The following NUP50 variants were observed in gnomAD, a reference collection of about 807,000 sequenced individuals.
NUP50 encodes the protein nuclear pore complex protein Nup50.
Under a neutral mutation model 36.8 loss-of-function variants are expected in NUP50, and 14 were observed. That is an observed-to-expected ratio of 0.38 (90% confidence interval 0.25 to 0.59). NUP50 has a LOEUF of 0.59. Among genes scored for constraint, NUP50 ranks in the 20% least tolerant of loss-of-function variants. The probability of loss-of-function intolerance (pLI) is 0.63; values close to 1 mark genes in which losing one functional copy is unlikely to be tolerated. For synonymous variants in NUP50, 195 were observed against 210.8 expected (o/e 0.93, Z 0.65); for missense variants, 455 against 564.6 (o/e 0.81, Z 1.97).
chr22:45,175,616 G>C (rs1372564096), intron 3 of NUP50, among the ~76,000 whole-genome samples: 1 of 152,132 alleles, frequency 6.6e-6, no homozygotes, highest in East Asian at 1.9e-4. Flanking sequence ...TATTGCATTA[G>C]TCTTTCTTAC....
intron 3 of NUP50, among the ~76,000 whole-genome samples, chr22:45,172,805 C>T (rs2074216702): frequency 1.3e-5 from 2 of 152,118 alleles, no homozygotes; most frequent in Admixed American, 1.3e-4. Context: ...GCCAGTCACT[C>T]AGAGCGTCTC....
rs767311973 is a variant in NUP50 at position 45,178,419 on chromosome 22, C to T, written c.522C>T (p.His174=). 13 of 1,613,496 alleles carry T rather than the reference C, an allele frequency of 8.1e-6. No homozygotes were observed. The highest frequency in any genetic ancestry group is 2.7e-5 in the African/African-American group (2 of 74,884). Residue 174 remains histidine (H), a synonymous_variant, in exon 5 of 8, where the codon CAC becomes CAT. Transcript: ENST00000347635. ...CCGTGCGGGATTGGATAGTGAAGCA[C>T]GTGAATACAAACCCCCTCTGTGATC... ...NCSVRDWIVK[H]VNTNPLCDLT... is the part of the protein sequence containing the mutation.
At chr22:45,184,264 CAGTG>C (rs2074432223) in intron 7 of NUP50, 185 bp from the exon 8 acceptor site, 2 of 607,216 alleles carry the variant, frequency 3.3e-6, no homozygotes, top group Non-Finnish European at 5.9e-6. Flanking sequence ...CCACTCCTCA[CAGTG>C]AGGGCAAGTG....
chr22:45,172,561 G>C (rs2074212352), intron 3 of NUP50, among the ~76,000 whole-genome samples: 1 of 151,990 alleles, frequency 6.6e-6, no homozygotes, highest in South Asian at 2.1e-4. Context: ...TTACTTTCCT[G>C]AGCGTTCTCC....
intron 7 of NUP50, chr22:45,184,096 C>T (rs1390129808): frequency 1.9e-5 from 5 of 259,322 alleles, no homozygotes; most frequent in South Asian, 5.4e-5. Flanking sequence ...GTCCTTTGTC[C>T]GTGTGGCGCA....
At chr22:45,175,767 T>G in intron 3 of NUP50, 127 bp from the exon 4 acceptor site, 1 of 700,864 alleles carries the variant, frequency 1.4e-6, no homozygotes, top group Non-Finnish European at 2.3e-6. Context: ...GTGCCAGCAG[T>G]TTGCCTTATA....
intron 1 of NUP50, among the ~76,000 whole-genome samples, chr22:45,166,918 A>G (rs2074103784): frequency 6.6e-6 from 1 of 152,180 alleles, no homozygotes; most frequent in African/African-American, 2.4e-5. Flanking sequence ...TAAACTTACA[A>G]AATTTAAAAA....
intron 2 of NUP50, among the ~76,000 whole-genome samples, chr22:45,169,828 A>G (rs2074156762): frequency 6.6e-6 from 1 of 152,164 alleles, no homozygotes; most frequent in Non-Finnish European, 1.5e-5. Flanking sequence ...ACTCTGCTCC[A>G]CCACCTTCTT....
intron 1 of NUP50, chr22:45,165,762 A>G (rs917696963): frequency 4.6e-5 from 7 of 152,246 alleles, no homozygotes; most frequent in Non-Finnish European, 1.0e-4. Context: ...CTTCTAATAA[A>G]ACTTGTTTCT....
chr22:45,171,796 T>C (rs1294655932), intron 3 of NUP50, 113 bp downstream of exon 3: 10 of 847,758 alleles, frequency 1.2e-5, no homozygotes, highest in African/African-American at 1.7e-5. Context: ...AAAATACTTA[T>C]TCTTTGATGT....
chr22:45,178,870 C>G lies in NUP50; in HGVS notation c.973C>G (p.Gln325Glu), dbSNP rs758628647. The change falls in exon 5 of 8, where the codon CAA becomes GAA. Residue 325 changes from glutamine (Q) to glutamate (E), a missense_variant. Transcript: ENST00000347635. Reference sequence around the variant, plus strand: ...ATTTCCCACTAAACCATTGGAGGGCCAAGCAGAAGGTGACAGTGGTGAATG... The same window carrying G: ...ATTTCCCACTAAACCATTGGAGGGCGAAGCAGAAGGTGACAGTGGTGAATG... The part of the protein sequence containing the change: ...SPFPTKPLEG[Q>E]AEGDSGECKG... 1 of 1,613,394 alleles carries G rather than the reference C, an allele frequency of 6.2e-7. No individual in the cohort carries two copies. The highest frequency in any genetic ancestry group is 8.5e-7 in the Non-Finnish European group (1 of 1,179,624).
At chr22:45,174,463 C>T (rs2074246956) in intron 3 of NUP50, among the ~76,000 whole-genome samples, 1 of 152,156 alleles carries the variant, frequency 6.6e-6, no homozygotes, top group African/African-American at 2.4e-5. Context: ...AGGCATGAGC[C>T]ACCACACCTG....
In NUP50 at chr22:45,180,841, T is replaced by C. The variant is rs796074750; in HGVS notation, c.1004-445T>C. Among the ~76,000 whole-genome samples the C allele has an allele frequency of 6.9e-5, 8 of 116,408 alleles. No individual in the cohort carries two copies. In the East Asian group the frequency reaches 1.6e-3, roughly 23 times the overall value. 76.4% of individuals were successfully genotyped at this position (116,408 alleles called of 152,430 possible). A position where few individuals can be genotyped will look rare whatever the true frequency, so the allele number is the denominator to read the frequency against. On this transcript the variant is annotated intron_variant, in intron 5 of 7. Transcript: ENST00000347635. ...GATTTTTCTGACAACTTGTCCCCTG[T>C]TAAAAAAAAAAAAAGTATTTTTCTA...
chr22:45,174,156 A>C (rs1020573013), intron 3 of NUP50, among the ~76,000 whole-genome samples: 1 of 150,786 alleles, frequency 6.6e-6, no homozygotes, highest in African/African-American at 2.4e-5. Flanking sequence ...GTCAGTGCCC[A>C]TGGAGGAGCC....
chr22:45,182,068 A>G (rs1245416537), intron 6 of NUP50, among the ~76,000 whole-genome samples: 1 of 152,028 alleles, frequency 6.6e-6, no homozygotes, highest in Admixed American at 6.6e-5. Context: ...GAGGCCAACA[A>G]TTTCTTCTGT....
At chr22:45,168,071 T>C in intron 1 of NUP50, 97 bp from the exon 2 acceptor site, 1 of 865,938 alleles carries the variant, frequency 1.2e-6, no homozygotes, top group Non-Finnish European at 1.8e-6. Context: ...AAACCAGAGA[T>C]GTTTTTATCT....
rs762556568 is a variant in NUP50 at position 45,168,191 on chromosome 22, A to G, written c.14A>G (p.Asn5Ser). The change falls in exon 2 of 8, where the codon AAT becomes AGT. Residue 5 changes from asparagine (N) to serine (S), a missense_variant. By Grantham distance (46) the Asn-to-Ser change is conservative (BLOSUM62 1). Around this residue, in one of 3 missense-constraint regions of NUP50, gnomAD observed 166 missense variants for 202.8 expected, o/e 0.82. Transcript: ENST00000347635. ...AGGTTCGAAAACATGGCCAAAAGAA[A>G]TGCCGAGAAGGAACTGACAGATAGG... MAKR[N>S]AEKELTDRNW... 3.1e-6 allele frequency: 5 copies of G among 1,611,004 alleles called. No homozygotes were observed. Among genetic ancestry groups the G allele is most frequent in the Non-Finnish European group, 4.2e-6 (5 of 1,179,112 alleles).
chr22:45,175,476 G>T (rs890813819), intron 3 of NUP50, among the ~76,000 whole-genome samples: 2 of 152,178 alleles, frequency 1.3e-5, no homozygotes, highest in African/African-American at 4.8e-5. Context: ...AACCTACCTT[G>T]ATGTTTTTAT....
intron 7 of NUP50, 159 bp from the exon 8 acceptor site, chr22:45,184,294 C>T (rs2074432921): frequency 1.0e-5 from 7 of 681,696 alleles, no homozygotes; most frequent in East Asian, 5.5e-5. Context: ...CGAGGCCTCC[C>T]AGTTCTCAGG....
Sources: allele counts gnomAD v4.1 joint callset (sites outside exome capture counted in the v4.1 genomes callset), GRCh38; gene constraint gnomAD v4.1.1; regional missense constraint gnomAD v4.1.1; transcripts MANE v1.5; gene names NCBI Gene and HGNC (gene_info 2026-07-23, HGNC 2026-07-21).